The following RPH3AL variants were observed in gnomAD, a reference collection of about 807,000 sequenced individuals.
The protein encoded by RPH3AL is rabphilin 3A like (without C2 domains).
Under a neutral mutation model 43.1 loss-of-function variants are expected in RPH3AL, and 38 were observed. The ratio of observed to expected loss-of-function variants is 0.88; its 90% confidence interval spans 0.68 to 1.15. The LOEUF (loss-of-function observed/expected upper bound fraction) is 1.15, where lower values mean the gene tolerates loss of function less well. Among genes scored for constraint, RPH3AL ranks in the 50% most tolerant of loss-of-function variants. The pLI is 0.00. For missense variants in RPH3AL, 462 were observed against 423.2 expected, an observed-to-expected ratio of 1.09 and a Z score of -0.81; for synonymous variants, 189 against 176.3, an observed-to-expected ratio of 1.07 and a Z score of -0.57.
At chr17:267,374 G>A (rs533318116) in intron 6 of RPH3AL, among the ~76,000 whole-genome samples, 2 of 152,356 alleles carry the variant, frequency 1.3e-5, no homozygotes, top group East Asian at 1.9e-4. Flanking sequence ...GTTCCCAGAC[G>A]GAGTGGGCTG....
rs146536767 is a variant in RPH3AL at position 246,101 on chromosome 17, G to A, written c.613+1010C>T. On this transcript the variant is annotated intron_variant, in intron 7 of 9. Coordinates refer to ENST00000331302, the MANE Select transcript of RPH3AL (RefSeq NM_006987.4). This position sits in a 1 kb window ranked among gnomAD's most constrained non-coding sequence, Gnocchi z 4.8. ...GTCACTGGACAACTTTCACATGTTC[G>A]TAATAAACATGCATTACTTTTGTAA... Among the ~76,000 whole-genome samples the A allele has an allele frequency of 1.3e-5, 2 of 152,278 alleles. No individual in the cohort carries two copies. Among genetic ancestry groups the A allele is most frequent in the African/African-American group, 2.4e-5 (1 of 41,556 alleles).
At position 245,290 on chromosome 17, in the gene RPH3AL, T is replaced by G. The variant is rs1765892392; in HGVS notation, c.613+1821A>C. On this transcript the variant is annotated intron_variant, in intron 7 of 9. Transcript: ENST00000331302. This position sits in a 1 kb window ranked among gnomAD's most constrained non-coding sequence, Gnocchi z 5.9. The stretch of plus-strand genomic sequence containing the variant: ...GGATGTCAGTGTGTGTGTACGTGGG[T>G]GTGTGTGTGGATGTGTGTGTGGATG... Among the ~76,000 whole-genome samples, 3 of 150,652 alleles carry G rather than the reference T, an allele frequency of 2.0e-5. No individual in the cohort carries two copies. The highest frequency in any genetic ancestry group is 4.2e-4 in the South Asian group (2 of 4,720).
At position 235,897 on chromosome 17, in the gene RPH3AL, A is replaced by G. The variant is rs1168001241; in HGVS notation, c.613+11214T>C. On this transcript the variant is annotated intron_variant, in intron 7 of 9. Transcript: ENST00000331302. Reference sequence around the variant, plus strand: ...CCGAGGCTCTGCAGTAACAAGAGGGATACAGGGTTCAAAGCTGGGGTCGGC... The same window carrying G: ...CCGAGGCTCTGCAGTAACAAGAGGGGTACAGGGTTCAAAGCTGGGGTCGGC... Among the ~76,000 whole-genome samples the G allele has an allele frequency of 1.2e-3, 100 of 84,454 alleles. 1 individual carries two copies. Among genetic ancestry groups the G allele is most frequent in the Middle Eastern group, 0.014 (2 of 148 alleles). The allele number at this position is 84,454 out of a possible 152,430, so 55.4% of individuals were successfully genotyped here.
At position 331,552 on chromosome 17, in the gene RPH3AL, G is replaced by C. The variant is rs1417304906; in HGVS notation, c.-37+2207C>G. On this transcript the variant is annotated intron_variant, in intron 2 of 9. Transcript: ENST00000331302. ...CCTTCACTCGCACGGAGCAACCTCG[G>C]GACAGATGGTGGGAGAGGAAGGGCA... 3 of 1,264,066 alleles carry C rather than the reference G, an allele frequency of 2.4e-6. No homozygotes were observed. The Admixed American group carries it at 7.1e-5, about 30-fold the overall frequency. The allele number at this position is 1,264,066 out of a possible 1,614,324, so 78.3% of individuals were successfully genotyped here.
chr17:314,657 C>G (rs375360461), intron 5 of RPH3AL, among the ~76,000 whole-genome samples: 155 of 81,424 alleles, frequency 1.9e-3, no homozygotes, highest in Non-Finnish European at 2.2e-3. Flanking sequence ...GTGACTCCAC[C>G]TCCATTGACC....
chr17:314,415 C>A (rs2043778763), intron 5 of RPH3AL, among the ~76,000 whole-genome samples: 2 of 131,086 alleles, frequency 1.5e-5, no homozygotes, highest in Non-Finnish European at 3.1e-5. Flanking sequence ...TGCCCCACCT[C>A]CACTGACATG....
chr17:249,749 G>A lies in RPH3AL; in HGVS notation c.439-2464C>T, dbSNP rs576127867. ...AGGTTAAACCAAGCTCCATCGCTGC[G>A]GGACGTCTCAGAGCCTTTACTAAGC... On this transcript the variant is annotated intron_variant, in intron 6 of 9. Transcript: ENST00000331302. Among the ~76,000 whole-genome samples, 60 of 151,416 alleles carry A rather than the reference G, an allele frequency of 4.0e-4. 1 individual carries two copies. The South Asian group carries it at 0.012, about 29-fold the overall frequency.
chr17:273,011 G>C (rs2042533403), intron 6 of RPH3AL, among the ~76,000 whole-genome samples: 1 of 120,124 alleles, frequency 8.3e-6, no homozygotes. Flanking sequence ...CCCAGCGAGG[G>C]CGACATCAGG....
chr17:294,256 G>A (rs181789995), intron 5 of RPH3AL, among the ~76,000 whole-genome samples: 2 of 150,692 alleles, frequency 1.3e-5, no homozygotes, highest in South Asian at 2.1e-4. Flanking sequence ...GAGCCCAGGT[G>A]ATCAAGACCA....
chr17:228,438 G>A (rs1223697858), intron 7 of RPH3AL, among the ~76,000 whole-genome samples: 2 of 152,114 alleles, frequency 1.3e-5, no homozygotes, highest in Non-Finnish European at 2.9e-5. Flanking sequence ...AAGGAGTAAC[G>A]CGTTCGGCAT....
Position 274,251 on chromosome 17 carries a change from C to T in RPH3AL, c.438+7517G>A, listed in dbSNP as rs1270351528. 2.6e-5 allele frequency among the ~76,000 whole-genome samples: 4 copies of T among 152,242 alleles called. No individual in the cohort carries two copies. The highest frequency in any genetic ancestry group is 2.9e-5 in the Non-Finnish European group (2 of 68,040). ...AACCCCAGCCCGGGGCCTCTGACAG[C>T]TCAGCACCAGGCTCCACATCAGGTG... is the stretch of plus-strand genomic sequence containing the variant. On this transcript the variant is annotated intron_variant, in intron 6 of 9. Transcript: ENST00000331302. This position sits in a 1 kb window ranked among gnomAD's most constrained non-coding sequence, Gnocchi z 4.7.
chr17:215,669 C>A lies in RPH3AL; in HGVS notation c.861G>T (p.Leu287=). The A allele has an allele frequency of 7.8e-7, 1 of 1,274,316 alleles. No individual in the cohort carries two copies. Among genetic ancestry groups the A allele is most frequent in the Non-Finnish European group, 1.0e-6 (1 of 1,005,020 alleles). The allele number at this position is 1,274,316 out of a possible 1,614,324, so 78.9% of individuals were successfully genotyped here. A position where few individuals can be genotyped will look rare whatever the true frequency, so the allele number is the denominator to read the frequency against. ...GGGTACTCACCGGGGCCCTTCGGGT[C>A]AGCCCGGGGCGGGGTCCCCCTGGCG... ...ADPPGGPRPG[L]TRRAPVKDTP... is the part of the protein sequence containing the mutation. Residue 287 remains leucine, a synonymous_variant, in exon 9 of 10, where the codon CTG becomes CTT. Transcript: ENST00000331302. The surrounding 1 kb of genome is among the most constrained non-coding windows in gnomAD (Gnocchi z 4.1).
chr17:291,785 T>C (rs2043053774), intron 5 of RPH3AL, among the ~76,000 whole-genome samples: 1 of 152,160 alleles, frequency 6.6e-6, no homozygotes, highest in East Asian at 1.9e-4. Context: ...CATAAGCTGT[T>C]AAGTTAAAAA....
At chr17:252,956 G>A (rs1567586965) in intron 6 of RPH3AL, among the ~76,000 whole-genome samples, 1 of 152,212 alleles carries the variant, frequency 6.6e-6, no homozygotes, top group Non-Finnish European at 1.5e-5. Context: ...AGAACTGTGT[G>A]TTTGGATGAT....
At chr17:350,602 C>T (rs1355286646) in intron 1 of RPH3AL, among the ~76,000 whole-genome samples, 1 of 152,118 alleles carries the variant, frequency 6.6e-6, no homozygotes, top group African/African-American at 2.4e-5. Context: ...GAGCAAGACC[C>T]CATCTCAAAA....
intron 6 of RPH3AL, among the ~76,000 whole-genome samples, chr17:278,183 T>A (rs1460600882): frequency 6.6e-6 from 1 of 152,102 alleles, no homozygotes; most frequent in Non-Finnish European, 1.5e-5. Context: ...ACTGTTCTCG[T>A]GATAGTGAAT....
intron 5 of RPH3AL, among the ~76,000 whole-genome samples, chr17:302,448 G>A (rs1019599475): frequency 9.2e-5 from 14 of 152,200 alleles, no homozygotes; most frequent in African/African-American, 3.1e-4. Context: ...CTTGAGCCAC[G>A]CCTTCAGCTG....
chr17:271,035 C>A (rs1436688213), intron 6 of RPH3AL, among the ~76,000 whole-genome samples: 3 of 152,188 alleles, frequency 2.0e-5, no homozygotes, highest in East Asian at 3.9e-4. Flanking sequence ...AATAGGGAAT[C>A]CTTTCCCCAT....
At chr17:281,968 C>A in intron 5 of RPH3AL, 114 bp from the exon 6 acceptor site, 1 of 771,214 alleles carries the variant, frequency 1.3e-6, no homozygotes, top group Non-Finnish European at 2.3e-6. Context: ...GCGTCTCTTG[C>A]TTCAGGATAG....
Sources: gnomAD v4.1 joint callset for allele counts (sites outside exome capture counted in the v4.1 genomes callset) on GRCh38, gnomAD v4.1.1 for gene constraint, Gnocchi (gnomAD v3.1) non-coding constraint, MANE v1.5 for transcripts, NCBI Gene and HGNC (gene_info 2026-07-23, HGNC 2026-07-21) for gene names.